Variants in GSG1L observed in about 807,000 individuals in gnomAD.
GSG1L encodes GSG1 like.
Under a neutral mutation model 42.1 loss-of-function variants are expected in GSG1L, and 24 were observed. That is an observed-to-expected ratio of 0.57 (90% CI 0.41 to 0.80). The LOEUF (loss-of-function observed/expected upper bound fraction) is 0.80, where lower values mean the gene tolerates loss of function less well. Among genes scored for constraint, GSG1L ranks in the 30% least tolerant of loss-of-function variants. The pLI is 0.00. For synonymous variants in GSG1L, 215 were observed against 203.5 expected, an observed-to-expected ratio of 1.06 and a Z score of -0.48; for missense variants, 445 against 472.2, an observed-to-expected ratio of 0.94 and a Z score of 0.53.
intron 1 of GSG1L, among the ~76,000 whole-genome samples, chr16:28,039,570 C>T (rs1210384746): frequency 6.6e-6 from 1 of 151,378 alleles, no homozygotes; most frequent in Non-Finnish European, 1.5e-5. Flanking sequence ...CACATATGTG[C>T]ACACACGCGC....
rs767157230 is a variant in GSG1L, at chr16:27,958,411, T to TAA, written c.397+4743_397+4744dup. ...CAAGAGACAAGAGTGAGACTCCATC[T>TAA]AAAAAAAAAAAAAAAAGAAAAGAAA... On this transcript the variant is annotated intron_variant, in intron 2 of 6. Transcript: ENST00000447459. Among the ~76,000 whole-genome samples the TAA allele has an allele frequency of 8.7e-3, 1,026 of 117,532 alleles. 20 individuals carry two copies. The highest frequency in any genetic ancestry group is 0.027 in the African/African-American group (873 of 32,072). The allele number at this position is 117,532 out of a possible 152,430, so 77.1% of individuals were successfully genotyped here.
At chr16:27,872,313 G>A (rs184583275) in intron 3 of GSG1L, among the ~76,000 whole-genome samples, 59 of 152,316 alleles carry the variant, frequency 3.9e-4, no homozygotes, top group African/African-American at 1.3e-3. Context: ...GGGACCAGAA[G>A]GGGCCGTATG....
At chr16:27,880,960 C>T (rs190432459) in intron 3 of GSG1L, among the ~76,000 whole-genome samples, 1 of 151,826 alleles carries the variant, frequency 6.6e-6, no homozygotes, top group Non-Finnish European at 1.5e-5. Flanking sequence ...CCCCTCCAGC[C>T]CCTTCCACTT....
At chr16:27,975,070 C>T (rs2141118909) in intron 1 of GSG1L, among the ~76,000 whole-genome samples, 1 of 152,248 alleles carries the variant, frequency 6.6e-6, no homozygotes, top group Non-Finnish European at 1.5e-5. Context: ...TTAAGCATCT[C>T]TGGGCCGGGA....
rs536348727 is a variant in GSG1L, at chr16:28,058,633, A to C, written c.349+4443T>G. On this transcript the variant is annotated intron_variant, in intron 1 of 6. Transcript: ENST00000447459. ...ACAGAACAAGACCAAAAAAAAAAAA[A>C]AAACAAACAAACCATGTCGAGGAGT... is the stretch of plus-strand genomic sequence containing the variant. Among the ~76,000 whole-genome samples, 21 of 146,120 alleles carry C rather than the reference A, an allele frequency of 1.4e-4. 1 individual carries two copies. In the South Asian group the frequency reaches 2.6e-3, roughly 18 times the overall value.
chr16:28,002,851 G>A lies in GSG1L; in HGVS notation c.350-39648C>T, dbSNP rs2085594152. 2.6e-5 allele frequency among the ~76,000 whole-genome samples: 4 copies of A among 152,142 alleles called. No individual in the cohort carries two copies. In the South Asian group the frequency reaches 8.3e-4, roughly 32 times the overall value. On this transcript the variant is annotated intron_variant, in intron 1 of 6. Transcript: ENST00000447459. Reference sequence around the variant, plus strand: ...ACTCGGGAGGCTGAGGCAGGAGAATGGCATGAACCTGGGAGGCGGAGCTTG... The same window carrying A: ...ACTCGGGAGGCTGAGGCAGGAGAATAGCATGAACCTGGGAGGCGGAGCTTG...
At chr16:27,824,451 A>T (rs2083185544) in intron 5 of GSG1L, among the ~76,000 whole-genome samples, 1 of 152,062 alleles carries the variant, frequency 6.6e-6, no homozygotes, top group Non-Finnish European at 1.5e-5. Context: ...GGCTCCAAGG[A>T]TGCTGGCCAC....
rs568026259 is a variant in GSG1L at position 27,840,130 on chromosome 16, A to G, written c.662+4820T>C. ...CTGCAGCCTCAACCTCCTGGGCTTG[A>G]GTGTCCCTCTCACTTTACCCTCCTG... On this transcript the variant is annotated intron_variant, in intron 4 of 6. Transcript: ENST00000447459. 2.0e-5 allele frequency among the ~76,000 whole-genome samples: 3 copies of G among 150,196 alleles called. No individual in the cohort carries two copies. In the South Asian group the frequency reaches 6.3e-4, roughly 32 times the overall value.
intron 2 of GSG1L, among the ~76,000 whole-genome samples, chr16:27,947,546 A>AAAG (rs2084893812): frequency 3.4e-5 from 2 of 58,282 alleles, no homozygotes. Context: ...TGAAGGAAAG[A>AAAG]AAGAAAGAAA....
At chr16:27,908,029 G>A (rs2084339044) in intron 2 of GSG1L, among the ~76,000 whole-genome samples, 1 of 152,094 alleles carries the variant, frequency 6.6e-6, no homozygotes, top group Non-Finnish European at 1.5e-5. Context: ...CCCTTCCTGT[G>A]TCTGTACCCT....
At chr16:28,049,366 A>C (rs1162284134) in intron 1 of GSG1L, among the ~76,000 whole-genome samples, 1 of 152,156 alleles carries the variant, frequency 6.6e-6, no homozygotes, top group East Asian at 1.9e-4. Context: ...AGAAAAGACA[A>C]CTCACTAAAA....
chr16:27,996,581 C>T (rs1442409261), intron 1 of GSG1L, among the ~76,000 whole-genome samples: 1 of 151,970 alleles, frequency 6.6e-6, no homozygotes, highest in Non-Finnish European at 1.5e-5. Flanking sequence ...AAAGTGGGGA[C>T]CTCACTGAAG....
chr16:28,053,653 G>A (rs759956129), intron 1 of GSG1L, among the ~76,000 whole-genome samples: 2 of 152,202 alleles, frequency 1.3e-5, no homozygotes, highest in African/African-American at 2.4e-5. Flanking sequence ...GGGCTATTTC[G>A]GGCTCCCCTC....
chr16:27,929,293 G>C (rs1473672574), intron 2 of GSG1L, among the ~76,000 whole-genome samples: 1 of 152,196 alleles, frequency 6.6e-6, no homozygotes, highest in Non-Finnish European at 1.5e-5. Flanking sequence ...CCTCGGTCCT[G>C]ATGGTTTGGG....
intron 6 of GSG1L, among the ~76,000 whole-genome samples, chr16:27,803,776 TATATATATATATATATATAGATAG>T (rs1167948945): frequency 2.5e-4 from 18 of 70,856 alleles, no homozygotes; most frequent in African/African-American, 1.1e-3. Flanking sequence ...CATATATATA[TATATATATATATATATATAGATAG>T]ATAGATATAG....
chr16:27,827,541 T>C (rs1305194882), intron 5 of GSG1L, among the ~76,000 whole-genome samples: 4 of 152,044 alleles, frequency 2.6e-5, no homozygotes, highest in East Asian at 3.9e-4. Context: ...TAGGAGCAGT[T>C]CTGGGTGGAG....
chr16:27,819,206 C>T (rs979703272), intron 5 of GSG1L, among the ~76,000 whole-genome samples: 6 of 151,202 alleles, frequency 4.0e-5, no homozygotes, highest in African/African-American at 7.3e-5. Flanking sequence ...GCCAAGATCA[C>T]GCCACTGCAC....
intron 3 of GSG1L, among the ~76,000 whole-genome samples, chr16:27,856,996 G>T (rs2083587215): frequency 6.6e-6 from 1 of 152,226 alleles, no homozygotes; most frequent in African/African-American, 2.4e-5. Flanking sequence ...CTTTCTTCCA[G>T]CCTGGCAACA....
At chr16:28,057,995 G>A (rs945827643) in intron 1 of GSG1L, among the ~76,000 whole-genome samples, 1 of 152,214 alleles carries the variant, frequency 6.6e-6, no homozygotes, top group Admixed American at 6.5e-5. Context: ...GAAAGAGAGG[G>A]AGTGTGATTT....
Sources: gnomAD v4.1 joint callset for allele counts (sites outside exome capture counted in the v4.1 genomes callset) on GRCh38, gnomAD v4.1.1 for gene constraint, MANE v1.5 for transcripts, NCBI Gene and HGNC (gene_info 2026-07-23, HGNC 2026-07-21) for gene names.